Variants in PALLD observed in about 807,000 individuals in gnomAD.
The protein encoded by PALLD is palladin.
A neutral mutation model predicts 123.5 loss-of-function variants in PALLD; 61 were observed. The ratio of observed to expected loss-of-function variants is 0.49; its 90% CI spans 0.40 to 0.61. The LOEUF (loss-of-function observed/expected upper bound fraction) is 0.61. Among genes scored for constraint, PALLD ranks in the 20% least tolerant of loss-of-function variants. The pLI is 0.00. For synonymous variants in PALLD, 465 were observed against 496.4 expected (o/e 0.94, Z 0.84); for missense variants, 1,273 against 1,377.0 (o/e 0.92, Z 1.20).
chr4:168,858,902 AT>A (rs574713510), intron 10 of PALLD, among the ~76,000 whole-genome samples: 3 of 152,158 alleles, frequency 2.0e-5, no homozygotes, highest in Admixed American at 6.5e-5. Flanking sequence ...GTCTGGCACT[AT>A]TCAATCTGGA....
intron 10 of PALLD, among the ~76,000 whole-genome samples, chr4:168,848,970 G>A (rs2150966869): frequency 6.6e-6 from 1 of 152,302 alleles, no homozygotes; most frequent in South Asian, 2.1e-4. Flanking sequence ...CAGTAAAGAT[G>A]AGAGGGGGTT....
intron 6 of PALLD, among the ~76,000 whole-genome samples, chr4:168,688,589 C>T (rs1048949812): frequency 3.3e-5 from 5 of 152,162 alleles, no homozygotes; most frequent in African/African-American, 1.2e-4. Context: ...CTTTCAGTCT[C>T]CTTTGGGGCT....
At chr4:168,773,666 C>T (rs1453251940) in intron 10 of PALLD, among the ~76,000 whole-genome samples, 3 of 152,244 alleles carry the variant, frequency 2.0e-5, no homozygotes, top group Middle Eastern at 3.4e-3. Flanking sequence ...TACTGCCCCG[C>T]TGTGAATTTC....
At chr4:168,638,103 C>A (rs759677932) in intron 2 of PALLD, among the ~76,000 whole-genome samples, 1 of 152,106 alleles carries the variant, frequency 6.6e-6, no homozygotes, top group Admixed American at 6.6e-5. Context: ...GCCTTAATTC[C>A]ATTCCCAAGC....
chr4:168,807,562 A>G (rs1391690812), intron 10 of PALLD, among the ~76,000 whole-genome samples: 1 of 152,088 alleles, frequency 6.6e-6, no homozygotes, highest in Admixed American at 6.5e-5. Context: ...GGCAAGCGCC[A>G]CCATGCCTGG....
At chr4:168,553,508 T>C (rs1766958216) in intron 2 of PALLD, among the ~76,000 whole-genome samples, 1 of 152,234 alleles carries the variant, frequency 6.6e-6, no homozygotes, top group Admixed American at 6.5e-5. Flanking sequence ...CTGGAGAGAA[T>C]ATTCCTGTGC....
chr4:168,898,418 A>G, intron 13 of PALLD, 75 bp from the exon 14 acceptor site: 1 of 914,972 alleles, frequency 1.1e-6, no homozygotes, highest in Non-Finnish European at 1.8e-6. Flanking sequence ...CTAGGGCCTT[A>G]TTGGGGGGCA....
At chr4:168,564,588 A>G (rs1482874393) in intron 2 of PALLD, among the ~76,000 whole-genome samples, 2 of 152,202 alleles carry the variant, frequency 1.3e-5, no homozygotes, top group Non-Finnish European at 2.9e-5. Flanking sequence ...TATAATGCCT[A>G]TTAAAATTCT....
chr4:168,858,209 A>C (rs975671372), intron 10 of PALLD, among the ~76,000 whole-genome samples: 1 of 152,246 alleles, frequency 6.6e-6, no homozygotes. Context: ...AAAATGGGCT[A>C]TGAAGCATGA....
intron 2 of PALLD, among the ~76,000 whole-genome samples, chr4:168,533,209 T>G (rs1223534759): frequency 6.6e-6 from 1 of 152,222 alleles, no homozygotes; most frequent in East Asian, 1.9e-4. Context: ...TCATCTTTTA[T>G]TACTTTTATA....
chr4:168,685,153 C>G (rs1438289871), intron 5 of PALLD, among the ~76,000 whole-genome samples: 2 of 152,184 alleles, frequency 1.3e-5, no homozygotes, highest in Admixed American at 1.3e-4. Context: ...AAATAAAATA[C>G]ATTGTCTACG....
chr4:168,658,395 C>T (rs969799713), intron 2 of PALLD, among the ~76,000 whole-genome samples: 6 of 151,066 alleles, frequency 4.0e-5, no homozygotes, highest in Non-Finnish European at 7.4e-5. Flanking sequence ...AGTGATCCTC[C>T]CACCTCAGCC....
At chr4:168,790,823 A>G (rs974042233) in intron 10 of PALLD, among the ~76,000 whole-genome samples, 15 of 152,178 alleles carry the variant, frequency 9.9e-5, no homozygotes, top group Non-Finnish European at 2.2e-4. Flanking sequence ...ATATATGTTA[A>G]TTTCAGAAAA....
chr4:168,676,218 T>C (rs996374820), intron 3 of PALLD, among the ~76,000 whole-genome samples: 1 of 152,166 alleles, frequency 6.6e-6, no homozygotes, highest in Non-Finnish European at 1.5e-5. Flanking sequence ...CACAGACATC[T>C]ACCCATGTCA....
chr4:168,679,221 TGTGTGTGTG>T (rs1274593202), intron 3 of PALLD, among the ~76,000 whole-genome samples: 2 of 68,426 alleles, frequency 2.9e-5, no homozygotes, highest in Non-Finnish European at 5.3e-5. Context: ...GTGTGGGGTG[TGTGTGTGTG>T]GTGTGTGTGG....
chr4:168,607,765 G>GA (rs11406885), intron 2 of PALLD, among the ~76,000 whole-genome samples: 23,561 of 147,054 alleles, frequency 0.16, 2,053 homozygotes, highest in East Asian at 0.32. Flanking sequence ...GTGTTTTCTG[G>GA]AAAAAAAAAA....
In PALLD at chr4:168,617,238, G is replaced by A. The variant is rs558700024; in HGVS notation, c.909-50952G>A. On this transcript the variant is annotated intron_variant, in intron 2 of 21. Transcript: ENST00000505667. Reference sequence around the variant, plus strand: ...AATAAATGTCTGCCTGGTTTAATTCGTAAGTCTCTCATTTTGGTGTTTTGT... The same window carrying A: ...AATAAATGTCTGCCTGGTTTAATTCATAAGTCTCTCATTTTGGTGTTTTGT... Among the ~76,000 whole-genome samples the A allele has an allele frequency of 5.0e-4, 76 of 152,278 alleles. 1 individual carries two copies. Among genetic ancestry groups the A allele is most frequent in the South Asian group, 1.5e-3 (7 of 4,820 alleles).
intron 10 of PALLD, among the ~76,000 whole-genome samples, chr4:168,849,133 C>G (rs1285173111): frequency 1.3e-5 from 2 of 152,254 alleles, no homozygotes; most frequent in African/African-American, 4.8e-5. Flanking sequence ...CACATGTTCA[C>G]ATTCCAACTG....
At chr4:168,586,922 G>A (rs1277986050) in intron 2 of PALLD, among the ~76,000 whole-genome samples, 2 of 152,146 alleles carry the variant, frequency 1.3e-5, no homozygotes, top group Non-Finnish European at 2.9e-5. Flanking sequence ...GGTACCATGC[G>A]ATAAGAGAGT....
Sources: gnomAD v4.1 joint callset for allele counts (sites outside exome capture counted in the v4.1 genomes callset) on GRCh38, gnomAD v4.1.1 for gene constraint, MANE v1.5 for transcripts, NCBI Gene and HGNC (gene_info 2026-07-23, HGNC 2026-07-21) for gene names.